ELMO1: variants seen among roughly 807,000 people sequenced by gnomAD.
ELMO1 encodes engulfment and cell motility protein 1.
A neutral mutation model predicts 98.9 loss-of-function variants in ELMO1; 26 were observed. The observed-to-expected ratio is 0.26, with a 90% CI of 0.19 to 0.36. The LOEUF is 0.36. Ranked by LOEUF, ELMO1 falls within the 10% of genes least tolerant of loss-of-function variation. The probability of loss-of-function intolerance (pLI) is 1.00; values close to 1 mark genes in which losing one functional copy is unlikely to be tolerated. For synonymous variants in ELMO1, 346 were observed against 346.0 expected (o/e 1.00, Z 0.00); for missense variants, 627 against 935.2 (o/e 0.67, Z 4.30).
intron 1 of ELMO1, among the ~76,000 whole-genome samples, chr7:37,439,824 G>T (rs1207379950): frequency 6.6e-6 from 1 of 152,196 alleles, no homozygotes; most frequent in African/African-American, 2.4e-5. Context: ...TAAGCCTAGA[G>T]ATGATGGAAA....
chr7:37,227,775 G>A (rs1793949295), intron 8 of ELMO1, among the ~76,000 whole-genome samples: 3 of 152,140 alleles, frequency 2.0e-5, no homozygotes, highest in Admixed American at 2.0e-4. Context: ...TGCTGCCAGT[G>A]GGCTTGCTCA....
chr7:37,172,138 G>T (rs1790208478), intron 13 of ELMO1, among the ~76,000 whole-genome samples: 2 of 152,274 alleles, frequency 1.3e-5, no homozygotes, highest in Non-Finnish European at 2.9e-5. Flanking sequence ...CTGACTTAGA[G>T]TGAGTACACT....
intron 13 of ELMO1, among the ~76,000 whole-genome samples, chr7:37,137,126 T>C (rs1787315352): frequency 6.6e-6 from 1 of 152,124 alleles, no homozygotes; most frequent in Non-Finnish European, 1.5e-5. Context: ...TAGCTATTCT[T>C]ATATCAGACA....
chr7:36,937,943 G>A (rs1324044333), intron 16 of ELMO1, among the ~76,000 whole-genome samples: 1 of 152,228 alleles, frequency 6.6e-6, no homozygotes, highest in East Asian at 1.9e-4. Flanking sequence ...AACTCAGGCT[G>A]AGAAACACTA....
At chr7:36,923,898 A>G (rs1387789954) in intron 16 of ELMO1, among the ~76,000 whole-genome samples, 1 of 152,220 alleles carries the variant, frequency 6.6e-6, no homozygotes, top group African/African-American at 2.4e-5. Context: ...AGCCTGGCAC[A>G]TCTAGAAAAC....
At chr7:36,933,713 C>G (rs1786252216) in intron 16 of ELMO1, among the ~76,000 whole-genome samples, 1 of 152,140 alleles carries the variant, frequency 6.6e-6, no homozygotes, top group African/African-American at 2.4e-5. Flanking sequence ...TCTGGCAGAG[C>G]AGGCAGAAGT....
In ELMO1 at chr7:37,351,877, T is replaced by C. The variant is rs150636465; in HGVS notation, c.-73-9114A>G. ...CTTCATATAGCTGCAAGTCCACATC[T>C]GTGACGTAGCGCTCAGCACCTAGGG... On this transcript the variant is annotated intron_variant, in intron 1 of 21. Coordinates refer to ENST00000310758, the MANE Select transcript of ELMO1 (RefSeq NM_014800.11). Among the ~76,000 whole-genome samples the C allele has an allele frequency of 6.6e-5, 10 of 152,334 alleles. No individual in the cohort carries two copies. In the East Asian group the frequency reaches 1.9e-3, roughly 29 times the overall value.
At chr7:37,199,486 A>G (rs1031611898) in intron 13 of ELMO1, among the ~76,000 whole-genome samples, 11 of 152,134 alleles carry the variant, frequency 7.2e-5, no homozygotes, top group African/African-American at 2.4e-4. Context: ...TTAAAAGTAC[A>G]ATTATTCATG....
chr7:36,985,232 T>C lies in ELMO1; in HGVS notation c.1437+28067A>G, dbSNP rs186096565. 5.2e-4 allele frequency: 265 copies of C among 507,794 alleles called. No homozygotes were observed. In the African/African-American group the frequency reaches 5.3e-3, roughly 10 times the overall value. The allele number at this position is 507,794 out of a possible 1,614,324, so 31.5% of individuals were successfully genotyped here. ...ATATAACTTTGCAAACCCTCTCTGG[T>C]TTTTCAGGGGTTTGAAAGGATGCAA... On this transcript the variant is annotated intron_variant, in intron 16 of 21. Coordinates refer to ENST00000310758, the MANE Select transcript of ELMO1 (RefSeq NM_014800.11).
intron 8 of ELMO1, among the ~76,000 whole-genome samples, chr7:37,228,811 G>A (rs1474702390): frequency 6.6e-6 from 1 of 152,026 alleles, no homozygotes; most frequent in Non-Finnish European, 1.5e-5. Context: ...CTAACATGGT[G>A]AAACCCCCAT....
intron 16 of ELMO1, among the ~76,000 whole-genome samples, chr7:36,914,745 C>T (rs1784572008): frequency 6.6e-6 from 1 of 152,202 alleles, no homozygotes; most frequent in Middle Eastern, 3.4e-3. Flanking sequence ...ATCTTTTGAC[C>T]TCGTGATCTG....
intron 1 of ELMO1, among the ~76,000 whole-genome samples, chr7:37,352,502 C>T (rs147460606): frequency 1.1e-4 from 16 of 152,330 alleles, no homozygotes; most frequent in African/African-American, 3.8e-4. Context: ...TATAATATTT[C>T]CCAAATGTAT....
chr7:37,370,845 A>G (rs1196503787), intron 1 of ELMO1, among the ~76,000 whole-genome samples: 1 of 152,200 alleles, frequency 6.6e-6, no homozygotes, highest in Non-Finnish European at 1.5e-5. Flanking sequence ...TACTTTGGAA[A>G]CAAGTTGGCA....
At chr7:37,433,878 C>T (rs1436626164) in intron 1 of ELMO1, among the ~76,000 whole-genome samples, 1 of 152,142 alleles carries the variant, frequency 6.6e-6, no homozygotes, top group Non-Finnish European at 1.5e-5. Context: ...GGCTTCTCAT[C>T]TCCCCTCCTC....
chr7:36,868,472 A>G (rs944240943), intron 20 of ELMO1, among the ~76,000 whole-genome samples: 1 of 151,668 alleles, frequency 6.6e-6, no homozygotes, highest in Non-Finnish European at 1.5e-5. Flanking sequence ...CAGCCTCCCA[A>G]GCAGCTGGGA....
At chr7:36,920,863 G>T (rs1361077942) in intron 16 of ELMO1, among the ~76,000 whole-genome samples, 1 of 152,112 alleles carries the variant, frequency 6.6e-6, no homozygotes, top group African/African-American at 2.4e-5. Context: ...CATGAGCAGT[G>T]TCAAGGTCTT....
chr7:36,999,086 G>A (rs1418620750), intron 16 of ELMO1, among the ~76,000 whole-genome samples: 1 of 152,058 alleles, frequency 6.6e-6, no homozygotes, highest in African/African-American at 2.4e-5. Context: ...AGCACAGAAG[G>A]AGGCCATCCC....
chr7:37,310,723 TGGTACAGAGG>T (rs1441951859), intron 4 of ELMO1, among the ~76,000 whole-genome samples: 61 of 152,222 alleles, frequency 4.0e-4, no homozygotes, highest in African/African-American at 1.4e-3. Flanking sequence ...GCTGAGGCAA[TGGTACAGAGG>T]GTTTCTCAGA....
At chr7:37,028,305 C>G (rs959350489) in intron 15 of ELMO1, among the ~76,000 whole-genome samples, 3 of 152,088 alleles carry the variant, frequency 2.0e-5, no homozygotes, top group African/African-American at 7.2e-5. Context: ...TTCTAGAAAG[C>G]TTATTTGCCG....
Sources: allele counts gnomAD v4.1 joint callset (sites outside exome capture counted in the v4.1 genomes callset), GRCh38; gene constraint gnomAD v4.1.1; transcripts MANE v1.5; gene names NCBI Gene and HGNC (gene_info 2026-07-23, HGNC 2026-07-21).